The following WDR27 variants were observed in gnomAD, a reference collection of about 807,000 sequenced individuals.
The protein encoded by WDR27 is WD repeat domain 27, also known as WD repeat-containing protein 27.
WDR27 carries 100 observed loss-of-function variants against 114.4 expected under a neutral mutation model. The observed-to-expected ratio is 0.87, with a 90% confidence interval of 0.74 to 1.03. The LOEUF (loss-of-function observed/expected upper bound fraction) is 1.03. WDR27 is among the 50% of genes least tolerant of loss of function. The probability of loss-of-function intolerance (pLI) is 0.00; values close to 1 mark genes in which losing one functional copy is unlikely to be tolerated. For missense variants in WDR27, 1,129 were observed against 1,092.9 expected (o/e 1.03, Z -0.47); for synonymous variants, 449 against 423.1 (o/e 1.06, Z -0.75).
intron 16 of WDR27, among the ~76,000 whole-genome samples, chr6:169,645,607 C>A (rs528308300): frequency 5.9e-4 from 89 of 150,550 alleles, no homozygotes; most frequent in African/African-American, 1.8e-3. Context: ...CGCAGGAGTC[C>A]CACTGTAGAA....
chr6:169,529,589 T>C (rs1795352681), intron 25 of WDR27, among the ~76,000 whole-genome samples: 1 of 152,218 alleles, frequency 6.6e-6, no homozygotes. Context: ...CTGCACTCAT[T>C]AAATCAGAGT....
At chr6:169,666,727 C>G (rs1827921992) in intron 6 of WDR27, 10 of 990,850 alleles carry the variant, frequency 1.0e-5, no homozygotes, top group Non-Finnish European at 1.2e-5. Flanking sequence ...TGCTCAGGAC[C>G]TGACCATGAG....
chr6:169,514,620 A>G (rs2128054903), intron 25 of WDR27, among the ~76,000 whole-genome samples: 1 of 148,554 alleles, frequency 6.7e-6, no homozygotes, highest in East Asian at 2.0e-4. Flanking sequence ...TTAATAAAAA[A>G]TGATCAAACA....
At chr6:169,486,680 C>T (rs942293769) in intron 25 of WDR27, among the ~76,000 whole-genome samples, 3 of 152,072 alleles carry the variant, frequency 2.0e-5, no homozygotes, top group Admixed American at 6.6e-5. Flanking sequence ...TTAGTAGAGA[C>T]GGGATTTCGC....
intron 25 of WDR27, among the ~76,000 whole-genome samples, chr6:169,568,875 C>T (rs1304183578): frequency 6.6e-6 from 1 of 152,146 alleles, no homozygotes; most frequent in Non-Finnish European, 1.5e-5. Flanking sequence ...ATGCCCCTCA[C>T]CCCTGTGCAA....
intron 25 of WDR27, among the ~76,000 whole-genome samples, chr6:169,497,418 C>T (rs1447959272): frequency 6.6e-6 from 1 of 151,958 alleles, no homozygotes; most frequent in African/African-American, 2.4e-5. Context: ...AGTTGGACTT[C>T]GTGAAAATTT....
chr6:169,630,692 G>A (rs1486953241), intron 21 of WDR27, among the ~76,000 whole-genome samples: 3 of 152,104 alleles, frequency 2.0e-5, no homozygotes, highest in South Asian at 2.1e-4. Flanking sequence ...TCAGGAGTTC[G>A]AGACTAGCCC....
chr6:169,676,668 G>C (rs555946601), intron 2 of WDR27, among the ~76,000 whole-genome samples: 119 of 152,270 alleles, frequency 7.8e-4, no homozygotes, highest in African/African-American at 2.7e-3. Context: ...TCCACGATCC[G>C]TTATCTTAAC....
rs1801597603 is a variant in WDR27, at chr6:169,572,485, A to G, written c.2579T>C (p.Leu860Pro). 1 of 140,230 alleles carries G rather than the reference A, an allele frequency of 7.1e-6. No homozygotes were observed. The highest frequency in any genetic ancestry group is 2.3e-4 in the South Asian group (1 of 4,384). 8.7% of individuals were successfully genotyped at this position (140,230 alleles called of 1,614,324 possible). ...AGVQWHDLGS[L>P]QPPPSRFKQF... ...CTTGAACCTGGAAGGCGGAGGTTGCAGTGAACCGAGATCGTGCCACTGCAC... is the reference window on the plus strand; with the variant it reads ...CTTGAACCTGGAAGGCGGAGGTTGCGGTGAACCGAGATCGTGCCACTGCAC... The change falls in exon 25 of 26, where the codon CTG becomes CCG. Residue 860 changes from leucine (L) to proline (P), a missense_variant. Transcript: ENST00000448612.
chr6:169,470,544 T>C (rs572211957), intron 25 of WDR27, among the ~76,000 whole-genome samples: 3 of 152,342 alleles, frequency 2.0e-5, no homozygotes, highest in Non-Finnish European at 2.9e-5. Context: ...GAGACCTAGA[T>C]GCCAGGATGG....
chr6:169,582,181 G>C (rs1803584192), intron 24 of WDR27, among the ~76,000 whole-genome samples: 1 of 152,072 alleles, frequency 6.6e-6, no homozygotes, highest in South Asian at 2.1e-4. Flanking sequence ...CGCCATGTTG[G>C]CCAGGCTGGT....
intron 22 of WDR27, among the ~76,000 whole-genome samples, chr6:169,606,184 G>A (rs1809142933): frequency 6.6e-6 from 1 of 151,888 alleles, no homozygotes; most frequent in South Asian, 2.1e-4. Flanking sequence ...GCAGAATGGG[G>A]GAAAACTTGC....
At chr6:169,507,557 C>G (rs931664000) in intron 25 of WDR27, among the ~76,000 whole-genome samples, 1 of 152,178 alleles carries the variant, frequency 6.6e-6, no homozygotes, top group Non-Finnish European at 1.5e-5. Context: ...ATCCCTCACC[C>G]AGGACAGAAA....
intron 25 of WDR27, among the ~76,000 whole-genome samples, chr6:169,486,681 G>A (rs547309547): frequency 1.5e-4 from 23 of 152,170 alleles, no homozygotes; most frequent in East Asian, 7.7e-4. Context: ...TAGTAGAGAC[G>A]GGATTTCGCC....
chr6:169,697,213 G>A (rs1786349415), intron 1 of WDR27, among the ~76,000 whole-genome samples: 1 of 152,082 alleles, frequency 6.6e-6, no homozygotes, highest in Non-Finnish European at 1.5e-5. Context: ...GGAAAAACCA[G>A]GCCACACAGA....
At chr6:169,445,183 C>G in the WDR27 span, among the ~76,000 whole-genome samples, 2 of 152,308 alleles carry the variant, frequency 1.3e-5, no homozygotes, top group South Asian at 4.1e-4. Context: ...AATTGTCACA[C>G]GTGCAGATGA....
the WDR27 span, among the ~76,000 whole-genome samples, chr6:169,446,591 C>T: frequency 1.3e-5 from 2 of 152,076 alleles, no homozygotes; most frequent in Non-Finnish European, 2.9e-5. Context: ...GTTATGTAAT[C>T]GTGAAAGAAA....
chr6:169,596,204 T>C (rs1334310037), intron 23 of WDR27, among the ~76,000 whole-genome samples: 1 of 152,098 alleles, frequency 6.6e-6, no homozygotes, highest in Non-Finnish European at 1.5e-5. Flanking sequence ...ATTTGTTCTG[T>C]TTAATTGACT....
rs771175146 is a variant in WDR27, at chr6:169,457,478, A to G, written c.*114T>C. 10 of 894,274 alleles carry G rather than the reference A, an allele frequency of 1.1e-5. No homozygotes were observed. The highest frequency in any genetic ancestry group is 1.5e-5 in the Non-Finnish European group (9 of 600,682). The allele number at this position is 894,274 out of a possible 1,614,324, so 55.4% of individuals were successfully genotyped here. A position where few individuals can be genotyped will look rare whatever the true frequency, so the allele number is the denominator to read the frequency against. On this transcript the variant is annotated 3_prime_UTR_variant, in exon 26 of 26. Transcript: ENST00000448612. ...GGGGAAATCTGAGGCAAGTCTCAAA[A>G]TATGAAAAACAGTTGCTGCTTCTGG...
Sources: allele counts gnomAD v4.1 joint callset (sites outside exome capture counted in the v4.1 genomes callset), GRCh38; gene constraint gnomAD v4.1.1; transcripts MANE v1.5; gene names NCBI Gene and HGNC (gene_info 2026-07-23, HGNC 2026-07-21).